The following ELF1 variants were observed in gnomAD, a reference collection of about 807,000 sequenced individuals.
ELF1 encodes the protein ETS-related transcription factor Elf-1.
Under a neutral mutation model 59.9 loss-of-function variants are expected in ELF1, and 24 were observed. That is an observed-to-expected ratio of 0.40 (90% confidence interval 0.29 to 0.56). The LOEUF is 0.56. Among genes scored for constraint, ELF1 ranks in the 20% least tolerant of loss-of-function variants. The pLI is 0.44. For missense variants in ELF1, 627 were observed against 742.2 expected (o/e 0.84, Z 1.80); for synonymous variants, 248 against 266.2 (o/e 0.93, Z 0.67).
chr13:40,946,489 A>C (rs1403111550), intron 5 of ELF1, among the ~76,000 whole-genome samples: 5 of 152,168 alleles, frequency 3.3e-5, no homozygotes, highest in Non-Finnish European at 7.3e-5. Flanking sequence ...CTTTATATAA[A>C]AATAAAACTG....
chr13:41,060,875 C>A, exon 1 of ELF1: 1 of 341,486 alleles, frequency 2.9e-6, no homozygotes, highest in Non-Finnish European at 5.8e-6. Context: ...TTCGCCGCAC[C>A]TCTCGCCACC....
intron 1 of ELF1, among the ~76,000 whole-genome samples, chr13:41,011,102 G>A (rs1875038021): frequency 6.6e-6 from 1 of 152,124 alleles, no homozygotes; most frequent in Non-Finnish European, 1.5e-5. Context: ...CACTGATCAG[G>A]AAGCAAGATG....
intron 1 of ELF1, among the ~76,000 whole-genome samples, chr13:41,004,432 A>C (rs1341704188): frequency 6.6e-6 from 1 of 152,150 alleles, no homozygotes; most frequent in Non-Finnish European, 1.5e-5. Flanking sequence ...TAGAATAGGA[A>C]TTTAATGAAA....
intron 1 of ELF1, among the ~76,000 whole-genome samples, chr13:41,009,672 T>C (rs919612755): frequency 1.3e-5 from 2 of 152,162 alleles, no homozygotes; most frequent in Non-Finnish European, 2.9e-5. Flanking sequence ...TTTTAAAGAA[T>C]TGGTTATTCT....
intron 2 of ELF1, among the ~76,000 whole-genome samples, chr13:40,977,438 G>C (rs576950049): frequency 1.7e-4 from 26 of 151,802 alleles, no homozygotes; most frequent in Admixed American, 5.3e-4. Flanking sequence ...CAACACCCCC[G>C]CCATGACCCC....
intron 1 of ELF1, among the ~76,000 whole-genome samples, chr13:41,026,130 C>G (rs1383247810): frequency 6.6e-6 from 1 of 152,238 alleles, no homozygotes; most frequent in East Asian, 1.9e-4. Flanking sequence ...AGCAACTACT[C>G]TAGGCTTAAT....
At chr13:41,003,956 TA>T (rs1372663225) in intron 1 of ELF1, among the ~76,000 whole-genome samples, 2 of 152,102 alleles carry the variant, frequency 1.3e-5, no homozygotes, top group African/African-American at 4.8e-5. Flanking sequence ...TTCTTAGAAA[TA>T]AACCATAAAG....
In ELF1 at chr13:41,054,445, T is replaced by C. The variant is rs116696871; in HGVS notation, c.-229+6393A>G. Among the ~76,000 whole-genome samples, 960 of 152,224 alleles carry C rather than the reference T, an allele frequency of 6.3e-3. 8 individuals carry two copies. Among genetic ancestry groups the C allele is most frequent in the African/African-American group, 0.02 (843 of 41,526 alleles). On this transcript the variant is annotated intron_variant, in intron 1 of 1. Coordinates refer to the ELF1 transcript ENST00000405737. ...TCACAGTATTAACTTGTTCATGGAG[T>C]CAATGCACAATTTCAGAGTTCGAAA...
In ELF1 at chr13:41,040,580, T is replaced by C. The variant is rs114757016; in HGVS notation, c.-229+20258A>G. Among the ~76,000 whole-genome samples, 232 of 152,248 alleles carry C rather than the reference T, an allele frequency of 1.5e-3. 1 individual carries two copies. Among genetic ancestry groups the C allele is most frequent in the African/African-American group, 5.5e-3 (227 of 41,536 alleles). On this transcript the variant is annotated intron_variant, in intron 1 of 1. Coordinates refer to the ELF1 transcript ENST00000405737. ...CTGTTCCTCCTCAGATCATCAGGCA[T>C]TAGATTCTCTTAGGAAGCAGGCAAC...
intron 1 of ELF1, among the ~76,000 whole-genome samples, chr13:41,029,729 T>G (rs981397127): frequency 1.7e-4 from 26 of 152,110 alleles, no homozygotes; most frequent in African/African-American, 6.3e-4. Context: ...TCTGCCCTCA[T>G]CCAATGTGGG....
rs1869472364 is a variant in ELF1 at position 40,932,445 on chromosome 13, G to C, written c.*980C>G. On this transcript the variant is annotated 3_prime_UTR_variant, in exon 9 of 9. Coordinates refer to ENST00000239882, the MANE Select transcript of ELF1 (RefSeq NM_172373.4). ...AGTTGCTTTCTTGGCCCTTAAGAAA[G>C]AGTCTTGACTCTCTCAAAATAGCAG... 1 of 150,692 alleles carries C rather than the reference G, an allele frequency of 6.6e-6. No individual in the cohort carries two copies. Among genetic ancestry groups the C allele is most frequent in the Admixed American group, 6.7e-5 (1 of 14,864 alleles). The allele number at this position is 150,692 out of a possible 1,614,324, so 9.3% of individuals were successfully genotyped here.
intron 3 of ELF1, among the ~76,000 whole-genome samples, chr13:40,956,011 G>A (rs1455246999): frequency 1.4e-5 from 2 of 145,868 alleles, no homozygotes; most frequent in African/African-American, 4.9e-5. Flanking sequence ...GCCTCTGCCT[G>A]GCCGCCCCTA....
intron 1 of ELF1, among the ~76,000 whole-genome samples, chr13:41,033,731 G>C (rs145469231): frequency 2.0e-5 from 3 of 152,174 alleles, no homozygotes; most frequent in African/African-American, 7.2e-5. Flanking sequence ...GTTTCATCCT[G>C]AAACCATCCC....
chr13:40,993,370 T>C, intron 1 of ELF1: 1 of 1,022,320 alleles, frequency 9.8e-7, no homozygotes, highest in Non-Finnish European at 1.5e-6. Flanking sequence ...TGCCTGCAGG[T>C]GTGGGCAGTG....
At chr13:40,956,305 T>C (rs1871423573) in intron 3 of ELF1, among the ~76,000 whole-genome samples, 2 of 152,054 alleles carry the variant, frequency 1.3e-5, no homozygotes, top group Non-Finnish European at 2.9e-5. Flanking sequence ...ACATGTGCTG[T>C]GTCCACTCAG....
chr13:41,061,195 G>T (rs1337162900), exon 1 of ELF1: 2 of 209,482 alleles, frequency 9.5e-6, no homozygotes, highest in Non-Finnish European at 2.0e-5. Flanking sequence ...GTTGAGAGCG[G>T]AGACGTCTCT....
In ELF1 at chr13:40,933,531, G is replaced by GT; in HGVS notation, c.1753dup (p.Thr585AsnfsTer58). ...CACATAAGGCTGTGGCTGCTGCTCC[G>GT]TTTTCTCAGTGTTCTCTTTCAAATG... On this transcript the variant is annotated frameshift_variant, in exon 9 of 9. Transcript: ENST00000239882. LOFTEE classifies it high-confidence loss of function. 1 of 1,614,202 alleles carries GT rather than the reference G, an allele frequency of 6.2e-7. No homozygotes were observed. Among genetic ancestry groups the GT allele is most frequent in the Non-Finnish European group, 8.5e-7 (1 of 1,180,032 alleles).
At chr13:40,951,730 G>A (rs760322578) in intron 3 of ELF1, 2 of 184,488 alleles carry the variant, frequency 1.1e-5, no homozygotes, top group Non-Finnish European at 2.2e-5. Context: ...AGCTGGGCGT[G>A]GTGGCACGCA....
chr13:41,015,458 T>A (rs1173158230), intron 1 of ELF1, among the ~76,000 whole-genome samples: 1 of 152,130 alleles, frequency 6.6e-6, no homozygotes, highest in Non-Finnish European at 1.5e-5. Flanking sequence ...GGCTTCAAAA[T>A]AGCATTGCTG....
Sources: allele counts gnomAD v4.1 joint callset (sites outside exome capture counted in the v4.1 genomes callset), GRCh38; gene constraint gnomAD v4.1.1; transcripts MANE v1.5; gene names NCBI Gene and HGNC (gene_info 2026-07-23, HGNC 2026-07-21).